The following ARPP21 variants were observed in gnomAD, a reference collection of about 807,000 sequenced individuals.
ARPP21 encodes the protein cAMP regulated phosphoprotein 21.
Under a neutral mutation model 113.2 loss-of-function variants are expected in ARPP21, and 69 were observed. The ratio of observed to expected loss-of-function variants is 0.61; its 90% CI spans 0.50 to 0.74. The LOEUF is 0.74. ARPP21 is among the 30% of genes least tolerant of loss of function. ARPP21 has a pLI of 0.00. For missense variants in ARPP21, 1,070 were observed against 1,037.4 expected (o/e 1.03, Z -0.43); for synonymous variants, 368 against 375.5 (o/e 0.98, Z 0.23).
At chr3:35,678,940 C>G (rs1474668604) in intron 1 of ARPP21, 1 of 151,940 alleles carries the variant, frequency 6.6e-6, no homozygotes, top group Non-Finnish European at 1.5e-5. Context: ...CTGATTTGGG[C>G]AAATATTATT....
chr3:35,695,795 T>C (rs2083773108), intron 9 of ARPP21, among the ~76,000 whole-genome samples: 1 of 151,548 alleles, frequency 6.6e-6, no homozygotes, highest in African/African-American at 2.4e-5. Flanking sequence ...TACTAAGAGC[T>C]GGGCATTTTG....
intron 15 of ARPP21, among the ~76,000 whole-genome samples, chr3:35,732,911 G>C (rs933950050): frequency 6.6e-6 from 1 of 151,832 alleles, no homozygotes; most frequent in African/African-American, 2.4e-5. Context: ...CATGAATTTT[G>C]TGTTCTGTCT....
chr3:35,748,900 T>C (rs2151023773), intron 19 of ARPP21, among the ~76,000 whole-genome samples: 1 of 152,346 alleles, frequency 6.6e-6, no homozygotes, highest in African/African-American at 2.4e-5. Flanking sequence ...TCTTTACAGA[T>C]AGGTGAAACT....
chr3:35,756,044 T>C (rs2095557414), intron 19 of ARPP21, among the ~76,000 whole-genome samples: 2 of 152,180 alleles, frequency 1.3e-5, no homozygotes, highest in East Asian at 1.9e-4. Context: ...CAAACGCAAA[T>C]TCAGCAAAAC....
At chr3:35,704,236 A>T (rs575737719) in intron 9 of ARPP21, among the ~76,000 whole-genome samples, 6 of 151,902 alleles carry the variant, frequency 3.9e-5, no homozygotes, top group Non-Finnish European at 8.8e-5. Context: ...TGCATTTTGC[A>T]TAATTTGTAT....
Position 35,669,366 on chromosome 3 carries a change from AAGCCCAC to A in ARPP21, c.-212-10417_-212-10411del, listed in dbSNP as rs1345561332. ...TTAAAATCTTGAAGGTTTCACAAAT[AAGCCCAC>A]AGCTCAGAAGCTGAGTATTTTATAT... On this transcript the variant is annotated intron_variant, in intron 1 of 20. Coordinates refer to ENST00000684406, the MANE Select transcript of ARPP21 (RefSeq NM_001385562.1). Among the ~76,000 whole-genome samples the A allele has an allele frequency of 1.3e-5, 2 of 152,282 alleles. 1 individual carries two copies.
At chr3:35,792,594 G>A in intron 20 of ARPP21, 64 bp downstream of exon 20, 1 of 1,531,526 alleles carries the variant, frequency 6.5e-7, no homozygotes, top group Non-Finnish European at 9.0e-7. Context: ...TGGAAGCTGT[G>A]GGTCTGTCCC....
chr3:35,739,239 C>T (rs1417253854), intron 17 of ARPP21, 78 bp from the exon 18 acceptor site: 26 of 1,515,668 alleles, frequency 1.7e-5, no homozygotes, highest in Non-Finnish European at 2.2e-5. Context: ...AAGAATGTGT[C>T]CTGTGTCTGC....
intron 19 of ARPP21, among the ~76,000 whole-genome samples, chr3:35,769,117 C>T (rs1471902596): frequency 6.6e-6 from 1 of 152,066 alleles, no homozygotes; most frequent in Admixed American, 6.6e-5. Flanking sequence ...ATTATATATG[C>T]ATATGATTAT....
chr3:35,720,671 A>G (rs2092963714), intron 13 of ARPP21, among the ~76,000 whole-genome samples: 1 of 152,184 alleles, frequency 6.6e-6, no homozygotes, highest in Non-Finnish European at 1.5e-5. Context: ...TTATTAACAA[A>G]GTTATGCTTT....
At chr3:35,641,520 G>T (rs1036209863) in intron 1 of ARPP21, 4 of 125,880 alleles carry the variant, frequency 3.2e-5, no homozygotes, top group Non-Finnish European at 6.9e-5. Flanking sequence ...AATATCTTAA[G>T]ATTTTAGTTA....
chr3:35,748,233 G>GGAAC (rs1414118896), intron 19 of ARPP21, among the ~76,000 whole-genome samples: 1 of 126,568 alleles, frequency 7.9e-6, no homozygotes, highest in African/African-American at 3.0e-5. Context: ...AAGGAAGGAA[G>GGAAC]GAAGGAAAAG....
chr3:35,681,623 G>T, intron 2 of ARPP21, 91 bp from the exon 3 acceptor site: 1 of 693,330 alleles, frequency 1.4e-6, no homozygotes, highest in Non-Finnish European at 2.4e-6. Context: ...TTGCTCATTT[G>T]GATTTGAATA....
intron 19 of ARPP21, among the ~76,000 whole-genome samples, chr3:35,756,620 C>G (rs906947370): frequency 6.6e-6 from 1 of 152,062 alleles, no homozygotes; most frequent in African/African-American, 2.4e-5. Flanking sequence ...AAGATGTCAG[C>G]CGACATCATG....
intron 14 of ARPP21, among the ~76,000 whole-genome samples, chr3:35,723,173 G>C (rs1235974794): frequency 6.6e-6 from 1 of 152,104 alleles, no homozygotes; most frequent in East Asian, 1.9e-4. Context: ...TTAGAGTTTA[G>C]ACATGGGCTG....
intron 2 of ARPP21, chr3:35,681,095 C>G (rs867649449): frequency 1.6e-4 from 24 of 151,692 alleles, no homozygotes; most frequent in African/African-American, 5.6e-4. Context: ...CTTGGGAGCT[C>G]GGGAGCTTGG....
At chr3:35,666,289 G>C (rs2074346414) in intron 1 of ARPP21, among the ~76,000 whole-genome samples, 1 of 152,176 alleles carries the variant, frequency 6.6e-6, no homozygotes, top group East Asian at 1.9e-4. Flanking sequence ...GTAGAGGGAA[G>C]CAAGCTTAGA....
intron 19 of ARPP21, among the ~76,000 whole-genome samples, chr3:35,752,776 C>T (rs1213085306): frequency 1.3e-5 from 2 of 152,004 alleles, no homozygotes; most frequent in Non-Finnish European, 2.9e-5. Context: ...TCATTGCCAG[C>T]TCATATACAA....
chr3:35,658,617 A>G (rs1028301537), intron 1 of ARPP21, among the ~76,000 whole-genome samples: 1 of 152,140 alleles, frequency 6.6e-6, no homozygotes, highest in Non-Finnish European at 1.5e-5. Context: ...TGACATACCC[A>G]TAAGCCTTGT....
Sources: allele counts gnomAD v4.1 joint callset (sites outside exome capture counted in the v4.1 genomes callset), GRCh38; gene constraint gnomAD v4.1.1; transcripts MANE v1.5; gene names NCBI Gene and HGNC (gene_info 2026-07-23, HGNC 2026-07-21).